Variants in GTF3C1 observed in about 807,000 individuals in gnomAD.
GTF3C1 encodes general transcription factor IIIC subunit 1.
In GTF3C1, 57 loss-of-function variants were observed where a neutral mutation model predicts 226.7. The observed-to-expected ratio is 0.25, with a 90% CI of 0.20 to 0.31. GTF3C1 has a LOEUF of 0.31. Ranked by LOEUF, GTF3C1 falls within the 10% of genes least tolerant of loss-of-function variation. GTF3C1 has a pLI of 1.00. For synonymous variants in GTF3C1, 1,090 were observed against 1,084.8 expected, an observed-to-expected ratio of 1.00 and a Z score of -0.09; for missense variants, 2,217 against 2,776.1, an observed-to-expected ratio of 0.80 and a Z score of 4.53.
rs752114728 is a variant in GTF3C1, at chr16:27,488,544, G to C, written c.3511+10C>G. The C allele has an allele frequency of 1.4e-5, 23 of 1,610,836 alleles. No homozygotes were observed. The highest frequency in any genetic ancestry group is 1.9e-5 in the Non-Finnish European group (22 of 1,177,124). On this transcript the variant is annotated intron_variant, in intron 22 of 36. Transcript: ENST00000356183. ...TATTAACTTCTGGGGTGAACTCCCA[G>C]CACACGTACCTCTGGCACTGAGGGG...
In GTF3C1 at chr16:27,470,077, A is replaced by G; in HGVS notation, c.4814+31T>C. The G allele has an allele frequency of 6.3e-7, 1 of 1,592,474 alleles. No homozygotes were observed. The highest frequency in any genetic ancestry group is 1.1e-5 in the South Asian group (1 of 88,764). ...TCTGGCCAATGCCTAGCACGTGGCC[A>G]GACCTGATGCTGCGGATGCCGGACT... On this transcript the variant is annotated intron_variant, in intron 31 of 36. Transcript: ENST00000356183. This position sits in a 1 kb window ranked among gnomAD's most constrained non-coding sequence, Gnocchi z 4.9.
chr16:27,514,697 C>G (rs750939839), intron 6 of GTF3C1, among the ~76,000 whole-genome samples: 3 of 152,200 alleles, frequency 2.0e-5, no homozygotes, highest in Non-Finnish European at 2.9e-5. Flanking sequence ...TGACCCTCAC[C>G]ATGGCCTGAG....
intron 8 of GTF3C1, 29 bp downstream of exon 8, chr16:27,508,511 G>A (rs371357963): frequency 2.0e-4 from 294 of 1,489,000 alleles, no homozygotes; most frequent in Non-Finnish European, 2.7e-4. Flanking sequence ...CAAAGACAAC[G>A]AGTGTTGGGG....
At chr16:27,543,427 A>G (rs115158279) in intron 2 of GTF3C1, among the ~76,000 whole-genome samples, 1,630 of 152,228 alleles carry the variant, frequency 0.011, 43 homozygotes, top group African/African-American at 0.037. Flanking sequence ...GTCACGCTCT[A>G]TTGTCCAGAC....
chr16:27,536,668 T>C (rs1267134305), intron 4 of GTF3C1, among the ~76,000 whole-genome samples: 2 of 152,180 alleles, frequency 1.3e-5, no homozygotes, highest in Non-Finnish European at 2.9e-5. Context: ...TATGTAATCA[T>C]TCCCCCCACT....
At position 27,463,501 on chromosome 16, in the gene GTF3C1, A is replaced by T; in HGVS notation, c.5924+40T>A. 8.3e-7 allele frequency: 1 copy of T among 1,207,756 alleles called. No homozygotes were observed. The allele number at this position is 1,207,756 out of a possible 1,614,324, so 74.8% of individuals were successfully genotyped here. A position where few individuals can be genotyped will look rare whatever the true frequency, so the allele number is the denominator to read the frequency against. On this transcript the variant is annotated intron_variant, in intron 35 of 36. Coordinates refer to ENST00000356183, the MANE Select transcript of GTF3C1 (RefSeq NM_001520.4). This position sits in a 1 kb window ranked among gnomAD's most constrained non-coding sequence, Gnocchi z 4.9. The stretch of plus-strand genomic sequence containing the variant: ...ATCCTTACACTCGGTCCCTGTCAAG[A>T]GCCCCGCCCCAGGCCCCGGAGCCAG...
intron 23 of GTF3C1, among the ~76,000 whole-genome samples, chr16:27,486,683 A>T (rs1039876348): frequency 6.6e-6 from 1 of 152,264 alleles, no homozygotes; most frequent in African/African-American, 2.4e-5. Flanking sequence ...TCCAGCACAC[A>T]GTGGTGGCTA....
At position 27,461,971 on chromosome 16, in the gene GTF3C1, C is replaced by T. The variant is rs2087711913; in HGVS notation, c.6117+323G>A. 5 of 393,420 alleles carry T rather than the reference C, an allele frequency of 1.3e-5. No individual in the cohort carries two copies. Among genetic ancestry groups the T allele is most frequent in the Non-Finnish European group, 2.3e-5 (5 of 216,860 alleles). The allele number at this position is 393,420 out of a possible 1,614,324, so 24.4% of individuals were successfully genotyped here. ...GCCCCAGGCACACATGGGAGTCAGC[C>T]AAGCAGGAAGCAGCTGCACCAGGGG... On this transcript the variant is annotated intron_variant, in intron 36 of 36. Transcript: ENST00000356183. The surrounding 1 kb of genome is among the most constrained non-coding windows in gnomAD (Gnocchi z 5.3).
At chr16:27,534,350 T>C (rs2088967413) in intron 4 of GTF3C1, among the ~76,000 whole-genome samples, 1 of 152,204 alleles carries the variant, frequency 6.6e-6, no homozygotes, top group Non-Finnish European at 1.5e-5. Context: ...AGAAATCTTG[T>C]GGCCAGTTCG....
chr16:27,516,640 T>G (rs1207692932), intron 6 of GTF3C1, among the ~76,000 whole-genome samples: 1 of 152,154 alleles, frequency 6.6e-6, no homozygotes, highest in South Asian at 2.1e-4. Flanking sequence ...ATCACATATA[T>G]ACATATATAT....
chr16:27,495,841 C>T (rs1403737488), intron 14 of GTF3C1, among the ~76,000 whole-genome samples: 1 of 152,176 alleles, frequency 6.6e-6, no homozygotes, highest in Non-Finnish European at 1.5e-5. Context: ...AGGGCAAATG[C>T]AAGGGGCCTG....
At position 27,493,192 on chromosome 16, in the gene GTF3C1, G is replaced by T. The variant is rs771090880; in HGVS notation, c.2876+7C>A. The T allele has an allele frequency of 2.0e-6, 3 of 1,532,896 alleles. No homozygotes were observed. Among genetic ancestry groups the T allele is most frequent in the South Asian group, 2.2e-5 (2 of 89,546 alleles). 95.0% of individuals were successfully genotyped at this position (1,532,896 alleles called of 1,614,324 possible). A position where few individuals can be genotyped will look rare whatever the true frequency, so the allele number is the denominator to read the frequency against. Reference sequence around the variant, plus strand: ...CGACTACTCTGGGTCAGGTTCAATGGCCTCACCTCTTGTACAGAAGCTGCT... The same window carrying T: ...CGACTACTCTGGGTCAGGTTCAATGTCCTCACCTCTTGTACAGAAGCTGCT... On this transcript the variant is annotated splice_region_variant and intron_variant, in intron 17 of 36. Transcript: ENST00000356183.
intron 21 of GTF3C1, 131 bp downstream of exon 21, chr16:27,488,912 A>G: frequency 1.2e-6 from 1 of 825,258 alleles, no homozygotes; most frequent in Non-Finnish European, 2.0e-6. Flanking sequence ...GGCCAGGCAC[A>G]CATTTAAGGG....
rs7199317 is a variant in GTF3C1 at position 27,461,949 on chromosome 16, C to T, written c.6117+345G>A. ...CTAGCTGCCAGAGGAGCTGGAGGCC[C>T]CAGGCACACATGGGAGTCAGCCAAG... On this transcript the variant is annotated intron_variant, in intron 36 of 36. Coordinates refer to ENST00000356183, the MANE Select transcript of GTF3C1 (RefSeq NM_001520.4). The surrounding 1 kb of genome is among the most constrained non-coding windows in gnomAD (Gnocchi z 5.3). 0.017 allele frequency: 6,661 copies of T among 385,436 alleles called. 373 individuals are homozygous for T. The highest frequency in any genetic ancestry group is 0.12 in the African/African-American group (6,009 of 50,092). The allele number at this position is 385,436 out of a possible 1,614,324, so 23.9% of individuals were successfully genotyped here.
chr16:27,545,222 C>A (rs1346833556), intron 2 of GTF3C1, 92 bp downstream of exon 2: 1 of 885,904 alleles, frequency 1.1e-6, no homozygotes, highest in African/African-American at 1.6e-5. Flanking sequence ...AGTGATCCAC[C>A]TGCCTCGGCC....
At chr16:27,523,717 G>T (rs893001221) in intron 6 of GTF3C1, among the ~76,000 whole-genome samples, 1 of 152,152 alleles carries the variant, frequency 6.6e-6, no homozygotes, top group Non-Finnish European at 1.5e-5. Flanking sequence ...CACCCTGAAG[G>T]AAGTCATGAG....
At chr16:27,531,176 G>A (rs1488320973) in intron 5 of GTF3C1, among the ~76,000 whole-genome samples, 8 of 152,072 alleles carry the variant, frequency 5.3e-5, no homozygotes, top group Non-Finnish European at 1.5e-5. Context: ...CAGCAGCAGT[G>A]CATAAGGCTA....
chr16:27,521,393 C>T (rs1249343810), intron 6 of GTF3C1, among the ~76,000 whole-genome samples: 1 of 152,262 alleles, frequency 6.6e-6, no homozygotes, highest in Non-Finnish European at 1.5e-5. Context: ...CAGCCTGCTT[C>T]TCTTCCCCAG....
In GTF3C1 at chr16:27,528,453, C is replaced by T; in HGVS notation, c.973+145G>A. 4.4e-6 allele frequency: 3 copies of T among 676,372 alleles called. No homozygotes were observed. In the South Asian group the frequency reaches 5.6e-5, roughly 13 times the overall value. 41.9% of individuals were successfully genotyped at this position (676,372 alleles called of 1,614,324 possible). A position where few individuals can be genotyped will look rare whatever the true frequency, so the allele number is the denominator to read the frequency against. On this transcript the variant is annotated intron_variant, in intron 6 of 36. Coordinates refer to ENST00000356183, the MANE Select transcript of GTF3C1 (RefSeq NM_001520.4). ...ACTTTTTATATGGACAGTCCTGAGCCAGGCACTGAGGCGCAGAGTTAAATA... is the reference window on the plus strand; with the variant it reads ...ACTTTTTATATGGACAGTCCTGAGCTAGGCACTGAGGCGCAGAGTTAAATA...
Sources: allele counts gnomAD v4.1 joint callset (sites outside exome capture counted in the v4.1 genomes callset), GRCh38; gene constraint gnomAD v4.1.1; non-coding constraint Gnocchi (gnomAD v3.1); transcripts MANE v1.5; gene names NCBI Gene and HGNC (gene_info 2026-07-23, HGNC 2026-07-21).